Variants in IQCK observed in about 807,000 individuals in gnomAD.
IQCK encodes IQ domain-containing protein K.
A neutral mutation model predicts 28.1 loss-of-function variants in IQCK; 29 were observed. The observed-to-expected ratio is 1.03, with a 90% CI of 0.77 to 1.41. The LOEUF is 1.41. Ranked by LOEUF, IQCK falls within the 40% of genes most tolerant of loss-of-function variation. The probability of loss-of-function intolerance (pLI) is 0.00; values close to 1 mark genes in which losing one functional copy is unlikely to be tolerated. For synonymous variants in IQCK, 113 were observed against 115.1 expected (o/e 0.98, Z 0.12); for missense variants, 359 against 314.7 (o/e 1.14, Z -1.07).
chr16:19,818,371 C>T (rs894823272), intron 7 of IQCK, among the ~76,000 whole-genome samples: 1 of 151,924 alleles, frequency 6.6e-6, no homozygotes, highest in African/African-American at 2.4e-5. Flanking sequence ...TGTGTGTATA[C>T]ACATATATAA....
chr16:19,735,716 G>T, intron 4 of IQCK: 1 of 438,654 alleles, frequency 2.3e-6, no homozygotes, highest in Non-Finnish European at 4.2e-6. Context: ...GTGCAGTTTG[G>T]CATCCACCAG....
chr16:19,777,913 C>T (rs1439800054), intron 6 of IQCK, among the ~76,000 whole-genome samples: 3 of 152,078 alleles, frequency 2.0e-5, no homozygotes, highest in African/African-American at 7.2e-5. Flanking sequence ...ATTAGCTGGG[C>T]GTGGTGGTGC....
chr16:19,768,537 AAG>A (rs2055274447), intron 6 of IQCK, among the ~76,000 whole-genome samples: 1 of 152,168 alleles, frequency 6.6e-6, no homozygotes, highest in Non-Finnish European at 1.5e-5. Flanking sequence ...ACCTGAAGTC[AAG>A]AGTTTGAGAC....
intron 6 of IQCK, among the ~76,000 whole-genome samples, chr16:19,786,358 A>C (rs1398437246): frequency 6.6e-6 from 1 of 151,294 alleles, no homozygotes; most frequent in Non-Finnish European, 1.5e-5. Flanking sequence ...GTTGGAGACC[A>C]CATAGCGAGA....
intron 4 of IQCK, among the ~76,000 whole-genome samples, chr16:19,751,973 C>G (rs976187906): frequency 6.6e-6 from 1 of 152,162 alleles, no homozygotes; most frequent in Non-Finnish European, 1.5e-5. Flanking sequence ...GGCAGGAAAT[C>G]AACTGTGCAA....
chr16:19,808,180 CTGCTTCGGGCCT>C (rs2055856951), intron 7 of IQCK, among the ~76,000 whole-genome samples: 1 of 152,170 alleles, frequency 6.6e-6, no homozygotes, highest in African/African-American at 2.4e-5. Flanking sequence ...TGGATTTGGG[CTGCTTCGGGCCT>C]GACTTCTCAG....
chr16:19,739,947 A>G (rs2054809053), intron 4 of IQCK, among the ~76,000 whole-genome samples: 2 of 152,118 alleles, frequency 1.3e-5, no homozygotes, highest in Non-Finnish European at 2.9e-5. Flanking sequence ...CCTCCCTTTT[A>G]CCAAGGATGG....
chr16:19,764,161 T>C (rs774906098), intron 6 of IQCK, 49 bp downstream of exon 6: 1 of 1,423,286 alleles, frequency 7.0e-7, no homozygotes, highest in South Asian at 1.2e-5. Context: ...TTTAAGATTG[T>C]GTTAATAATA....
chr16:19,846,537 G>T (rs1231453076), intron 9 of IQCK, among the ~76,000 whole-genome samples: 1 of 152,212 alleles, frequency 6.6e-6, no homozygotes, highest in Non-Finnish European at 1.5e-5. Flanking sequence ...CCTTCAAGGA[G>T]ACTTTGCTCT....
At chr16:19,774,192 C>T (rs2055356769) in intron 6 of IQCK, among the ~76,000 whole-genome samples, 1 of 152,138 alleles carries the variant, frequency 6.6e-6, no homozygotes, top group Admixed American at 6.5e-5. Context: ...CTAAACCCAG[C>T]TCCACCACTT....
At chr16:19,755,531 A>G (rs1339148570) in intron 4 of IQCK, among the ~76,000 whole-genome samples, 1 of 152,192 alleles carries the variant, frequency 6.6e-6, no homozygotes, top group African/African-American at 2.4e-5. Flanking sequence ...CAATTAGGAG[A>G]GAACAGCAGA....
intron 1 of IQCK, among the ~76,000 whole-genome samples, chr16:19,721,334 C>G (rs1205306945): frequency 6.6e-6 from 1 of 152,142 alleles, no homozygotes; most frequent in Non-Finnish European, 1.5e-5. Flanking sequence ...TTACACAGAC[C>G]TTAACCAACC....
At chr16:19,724,170 A>G (rs1434888094) in intron 1 of IQCK, among the ~76,000 whole-genome samples, 2 of 152,040 alleles carry the variant, frequency 1.3e-5, no homozygotes, top group East Asian at 1.9e-4. Context: ...TTCCTGGAAC[A>G]TCCCTACCTT....
At chr16:19,738,802 C>T (rs1024330452) in intron 4 of IQCK, among the ~76,000 whole-genome samples, 3 of 152,164 alleles carry the variant, frequency 2.0e-5, no homozygotes, top group Admixed American at 1.3e-4. Flanking sequence ...CTTGTTCCTT[C>T]GCCATCTAGA....
At chr16:19,785,471 T>C (rs746457172) in intron 6 of IQCK, among the ~76,000 whole-genome samples, 3 of 152,092 alleles carry the variant, frequency 2.0e-5, no homozygotes, top group African/African-American at 4.8e-5. Context: ...TAGAACTAAA[T>C]TGAAAAGAAA....
chr16:19,823,935 AAAATAAAT>A lies in IQCK; in HGVS notation c.691-3067_691-3060del, dbSNP rs71375664. Among the ~76,000 whole-genome samples the A allele has an allele frequency of 5.5e-5, 8 of 146,450 alleles. No individual in the cohort carries two copies. The South Asian group carries it at 6.7e-4, about 12-fold the overall frequency. ...GCGGCAGAGTGAGACTCCCTCTTAAAAAATAAATAAATAAATAAATAAATAAATAAAGT... is the reference window on the plus strand; with the variant it reads ...GCGGCAGAGTGAGACTCCCTCTTAAAAAATAAATAAATAAATAAATAAAGT... On this transcript the variant is annotated intron_variant, in intron 7 of 7. Coordinates refer to ENST00000564186, the Ensembl canonical transcript of IQCK.
chr16:19,729,259 C>G (rs146748925), intron 1 of IQCK, among the ~76,000 whole-genome samples: 9 of 152,128 alleles, frequency 5.9e-5, no homozygotes, highest in African/African-American at 1.7e-4. Context: ...AGGTGCCCGG[C>G]GCCATGCCTG....
At chr16:19,824,642 T>C (rs147178835) in intron 7 of IQCK, among the ~76,000 whole-genome samples, 36 of 152,362 alleles carry the variant, frequency 2.4e-4, no homozygotes, top group East Asian at 9.6e-4. Context: ...CTTTAACTTA[T>C]CTTTCAAGAT....
chr16:19,857,866 C>T (rs1483053225), exon 10 of IQCK: 1 of 153,524 alleles, frequency 6.5e-6, no homozygotes, highest in Admixed American at 6.5e-5. Context: ...TGACTCCCTT[C>T]TCTTCCCACC....
Sources: gnomAD v4.1 joint callset for allele counts (sites outside exome capture counted in the v4.1 genomes callset) on GRCh38, gnomAD v4.1.1 for gene constraint, MANE v1.5 for transcripts, NCBI Gene and HGNC (gene_info 2026-07-23, HGNC 2026-07-21) for gene names.